The following PRKG2 variants were observed in gnomAD, a reference collection of about 807,000 sequenced individuals.
PRKG2 encodes protein kinase cGMP-dependent 2, also known as cGMP-dependent protein kinase 2.
In PRKG2, 33 loss-of-function variants were observed where a neutral mutation model predicts 97.2. That is an observed-to-expected ratio of 0.34 (90% CI 0.26 to 0.45). PRKG2 has a LOEUF of 0.45. PRKG2 is among the 20% of genes least tolerant of loss of function. The probability of loss-of-function intolerance (pLI) is 1.00; values close to 1 mark genes in which losing one functional copy is unlikely to be tolerated. For synonymous variants in PRKG2, 330 were observed against 321.8 expected (o/e 1.03, Z -0.27); for missense variants, 638 against 900.0 (o/e 0.71, Z 3.73).
intron 16 of PRKG2, among the ~76,000 whole-genome samples, 185 bp from the exon 17 acceptor site, chr4:81,104,617 G>A (rs1578343557): frequency 1.3e-5 from 2 of 151,774 alleles, no homozygotes; most frequent in Non-Finnish European, 2.9e-5. Context: ...GAAAAGACAC[G>A]ACCTCCTCCC....
At chr4:81,194,534 T>C (rs900197024) in intron 2 of PRKG2, among the ~76,000 whole-genome samples, 10 of 152,236 alleles carry the variant, frequency 6.6e-5, no homozygotes, top group Admixed American at 5.9e-4. Flanking sequence ...TTATTGCCCA[T>C]ATAATTAAAT....
chr4:81,169,089 C>G (rs1323216401), intron 5 of PRKG2, among the ~76,000 whole-genome samples: 1 of 151,868 alleles, frequency 6.6e-6, no homozygotes, highest in Non-Finnish European at 1.5e-5. Context: ...TAAATTGATT[C>G]ATCCAAGGTG....
intron 4 of PRKG2, among the ~76,000 whole-genome samples, chr4:81,170,471 C>T (rs1469592787): frequency 6.6e-6 from 1 of 151,966 alleles, no homozygotes; most frequent in Admixed American, 6.6e-5. Context: ...TTGATCAAAA[C>T]CCAAAGCTCT....
intron 17 of PRKG2, 49 bp downstream of exon 17, chr4:81,104,321 T>C (rs760812207): frequency 2.2e-6 from 3 of 1,381,726 alleles, no homozygotes; most frequent in Admixed American, 4.1e-5. Flanking sequence ...AAGTACCACA[T>C]TGTTCTCTAA....
chr4:81,157,692 G>A (rs1188735829), intron 6 of PRKG2, among the ~76,000 whole-genome samples: 1 of 151,988 alleles, frequency 6.6e-6, no homozygotes, highest in Non-Finnish European at 1.5e-5. Context: ...TAAAATACTG[G>A]CAAACCGAAT....
rs1741307482 is a variant in PRKG2, at chr4:81,089,067, TTACC to T, written c.*637_*640del. On this transcript the variant is annotated 3_prime_UTR_variant, in exon 19 of 19. Transcript: ENST00000264399. ...TTCTAAGTTCCCCAATAGAAAATAATTACCTGACTGGATTGATTGATTCAGTTAC... is the reference window on the plus strand; with the variant it reads ...TTCTAAGTTCCCCAATAGAAAATAATTGACTGGATTGATTGATTCAGTTAC... The T allele has an allele frequency of 6.6e-6, 1 of 152,212 alleles. No homozygotes were observed. Among genetic ancestry groups the T allele is most frequent in the African/African-American group, 2.4e-5 (1 of 41,456 alleles). The allele number at this position is 152,212 out of a possible 1,614,324, so 9.4% of individuals were successfully genotyped here.
intron 2 of PRKG2, among the ~76,000 whole-genome samples, chr4:81,188,411 T>G (rs1163413487): frequency 1.4e-5 from 2 of 143,502 alleles, no homozygotes; most frequent in Admixed American, 6.7e-5. Flanking sequence ...AGGAACACTT[T>G]GACACTGTTG....
intron 16 of PRKG2, among the ~76,000 whole-genome samples, chr4:81,104,792 A>T (rs1247109311): frequency 6.6e-6 from 1 of 152,130 alleles, no homozygotes; most frequent in Non-Finnish European, 1.5e-5. Context: ...GAAATCTTAG[A>T]AGCATACTGG....
intron 14 of PRKG2, among the ~76,000 whole-genome samples, chr4:81,123,510 T>C (rs1244533890): frequency 1.1e-4 from 16 of 152,208 alleles, no homozygotes. Flanking sequence ...GTTCACGCCA[T>C]TCTCCTGCCT....
chr4:81,119,365 G>A (rs1006788715), intron 14 of PRKG2, among the ~76,000 whole-genome samples: 1 of 152,172 alleles, frequency 6.6e-6, no homozygotes, highest in Non-Finnish European at 1.5e-5. Context: ...TTGCTGAAAA[G>A]ACTATCTTTG....
intron 17 of PRKG2, among the ~76,000 whole-genome samples, chr4:81,102,174 G>T (rs1055490020): frequency 3.9e-5 from 6 of 152,126 alleles, no homozygotes; most frequent in African/African-American, 7.2e-5. Flanking sequence ...ATCCCTACAG[G>T]GAAGGAAATT....
At chr4:81,113,615 A>T (rs181016366) in intron 14 of PRKG2, among the ~76,000 whole-genome samples, 1 of 152,210 alleles carries the variant, frequency 6.6e-6, no homozygotes, top group African/African-American at 2.4e-5. Context: ...GCTGGTATCC[A>T]GTAAGTATGA....
At chr4:81,193,156 T>C (rs1268221946) in intron 2 of PRKG2, 3 of 152,204 alleles carry the variant, frequency 2.0e-5, no homozygotes, top group Non-Finnish European at 2.9e-5. Context: ...TATCAAGGAT[T>C]TTTTGTGAGC....
intron 14 of PRKG2, among the ~76,000 whole-genome samples, 153 bp from the exon 15 acceptor site, chr4:81,110,764 G>GAC (rs1553919022): frequency 3.0e-4 from 44 of 145,836 alleles, no homozygotes; most frequent in African/African-American, 2.6e-4. Flanking sequence ...GAGAGAGAGA[G>GAC]AGACAGACAG....
In PRKG2 at chr4:81,169,781, C is replaced by T. The variant is rs1158112897; in HGVS notation, c.743-13G>A. On this transcript the variant is annotated splice_polypyrimidine_tract_variant and intron_variant, in intron 4 of 18. Coordinates refer to ENST00000264399, the MANE Select transcript of PRKG2 (RefSeq NM_006259.3). ...ACATTGGTAATAGCTTTAGAAAATT[C>T]AAGAAAACAATAAAACACTTAGTAC... 1 of 1,532,766 alleles carries T rather than the reference C, an allele frequency of 6.5e-7. No individual in the cohort carries two copies. Among genetic ancestry groups the T allele is most frequent in the African/African-American group, 1.4e-5 (1 of 72,152 alleles). 94.9% of individuals were successfully genotyped at this position (1,532,766 alleles called of 1,614,324 possible).
chr4:81,185,756 T>G (rs1751826616), intron 2 of PRKG2, among the ~76,000 whole-genome samples: 1 of 151,254 alleles, frequency 6.6e-6, no homozygotes, highest in African/African-American at 2.4e-5. Context: ...AAACACAGGC[T>G]CAAAAAAAGG....
chr4:81,194,934 A>G (rs1270401443), intron 2 of PRKG2, among the ~76,000 whole-genome samples: 2 of 152,002 alleles, frequency 1.3e-5, no homozygotes, highest in African/African-American at 2.4e-5. Context: ...ATATATATAT[A>G]TACGCACCTA....
intron 14 of PRKG2, among the ~76,000 whole-genome samples, chr4:81,122,812 G>A (rs79384679): frequency 1.4e-4 from 22 of 152,282 alleles, no homozygotes; most frequent in African/African-American, 5.1e-4. Flanking sequence ...TCCAAAACTG[G>A]ACTGCCCACA....
intron 13 of PRKG2, 98 bp from the exon 14 acceptor site, chr4:81,135,394 T>C: frequency 8.0e-7 from 1 of 1,247,680 alleles, no homozygotes; most frequent in Non-Finnish European, 1.1e-6. Context: ...GTTTATGCAA[T>C]ATAAATATTT....
Sources: gnomAD v4.1 joint callset for allele counts (sites outside exome capture counted in the v4.1 genomes callset) on GRCh38, gnomAD v4.1.1 for gene constraint, MANE v1.5 for transcripts, NCBI Gene and HGNC (gene_info 2026-07-23, HGNC 2026-07-21) for gene names.